The following MYT1L variants were observed in gnomAD, a reference collection of about 807,000 sequenced individuals.
The protein encoded by MYT1L is myelin transcription factor 1-like protein.
Under a neutral mutation model 126.7 loss-of-function variants are expected in MYT1L, and 12 were observed. The observed-to-expected ratio is 0.09, with a 90% CI of 0.06 to 0.15. The LOEUF is 0.15. Ranked by LOEUF, MYT1L falls within the 10% of genes least tolerant of loss-of-function variation. The pLI is 1.00. For synonymous variants in MYT1L, 541 were observed against 604.2 expected, an observed-to-expected ratio of 0.90 and a Z score of 1.53; for missense variants, 979 against 1,585.2, an observed-to-expected ratio of 0.62 and a Z score of 6.49.
At chr2:1,931,084 C>T (rs2149173144) in intron 9 of MYT1L, among the ~76,000 whole-genome samples, 2 of 152,264 alleles carry the variant, frequency 1.3e-5, no homozygotes, top group East Asian at 3.9e-4. Context: ...GGGAAAATGG[C>T]CTGTCATGGC....
At position 1,791,320 on chromosome 2, in the gene MYT1L, G is replaced by A. The variant is rs1228315089; in HGVS notation, c.*547C>T. The A allele has an allele frequency of 8.9e-6, 4 of 447,638 alleles. No homozygotes were observed. Among genetic ancestry groups the A allele is most frequent in the Middle Eastern group, 3.3e-4 (1 of 2,986 alleles). The allele number at this position is 447,638 out of a possible 1,614,324, so 27.7% of individuals were successfully genotyped here. A position where few individuals can be genotyped will look rare whatever the true frequency, so the allele number is the denominator to read the frequency against. ...TTTCCAAGCATTGTTCAAAAATAAAGCATTTTTGCAACGAATTCTTGCTAT... is the reference window on the plus strand; with the variant it reads ...TTTCCAAGCATTGTTCAAAAATAAAACATTTTTGCAACGAATTCTTGCTAT... On this transcript the variant is annotated 3_prime_UTR_variant, in exon 25 of 25. Coordinates refer to ENST00000647738, the MANE Select transcript of MYT1L (RefSeq NM_001303052.2). The surrounding 1 kb of genome is among the most constrained non-coding windows in gnomAD (Gnocchi z 6.0).
At chr2:2,262,809 A>G (rs1242429420) in intron 2 of MYT1L, among the ~76,000 whole-genome samples, 2 of 149,200 alleles carry the variant, frequency 1.3e-5, no homozygotes, top group Admixed American at 6.7e-5. Flanking sequence ...AATTCCAAAT[A>G]AAGACATGTG....
chr2:1,924,156 CA>C (rs2053925515), intron 9 of MYT1L, among the ~76,000 whole-genome samples: 1 of 152,086 alleles, frequency 6.6e-6, no homozygotes, highest in African/African-American at 2.4e-5. Context: ...TGCTTAATCT[CA>C]AAAACGTATT....
At chr2:2,049,040 A>G (rs982779208) in intron 4 of MYT1L, among the ~76,000 whole-genome samples, 2 of 152,230 alleles carry the variant, frequency 1.3e-5, no homozygotes, top group African/African-American at 4.8e-5. Flanking sequence ...TGCAATAAAC[A>G]TTGTTTTAAT....
intron 4 of MYT1L, among the ~76,000 whole-genome samples, chr2:2,037,561 G>T (rs2067004138): frequency 6.6e-6 from 1 of 151,616 alleles, no homozygotes; most frequent in Non-Finnish European, 1.5e-5. Flanking sequence ...TTTAAGACCA[G>T]CCTGGCCAAC....
intron 2 of MYT1L, among the ~76,000 whole-genome samples, chr2:2,267,246 C>A (rs1388619547): frequency 6.6e-6 from 1 of 152,098 alleles, no homozygotes; most frequent in African/African-American, 2.4e-5. Flanking sequence ...ACAGATGGCA[C>A]GTGGGGCAGA....
chr2:2,195,697 A>G (rs1559301741), intron 2 of MYT1L, among the ~76,000 whole-genome samples: 1 of 152,190 alleles, frequency 6.6e-6, no homozygotes. Context: ...CAAGAGATAA[A>G]TAAAACTTAT....
chr2:1,823,222 G>A (rs928289590), intron 21 of MYT1L, among the ~76,000 whole-genome samples: 2 of 152,200 alleles, frequency 1.3e-5, no homozygotes, highest in African/African-American at 2.4e-5. Context: ...CCCAGCAGGG[G>A]CACCCAGCTG....
At chr2:1,819,340 A>G (rs1385532661) in intron 21 of MYT1L, among the ~76,000 whole-genome samples, 2 of 152,236 alleles carry the variant, frequency 1.3e-5, no homozygotes, top group Non-Finnish European at 2.9e-5. Flanking sequence ...CAATGCTAAC[A>G]GCAGTGGTGA....
intron 2 of MYT1L, among the ~76,000 whole-genome samples, chr2:2,282,975 T>C (rs1327214875): frequency 6.6e-6 from 1 of 152,180 alleles, no homozygotes; most frequent in African/African-American, 2.4e-5. Context: ...CTTGGGAGGC[T>C]GAGGCAGGAG....
intron 2 of MYT1L, among the ~76,000 whole-genome samples, chr2:2,234,853 T>C (rs1175718737): frequency 6.6e-6 from 1 of 152,224 alleles, no homozygotes; most frequent in East Asian, 1.9e-4. Context: ...TGTGTTCATA[T>C]GTTGAAATAG....
intron 9 of MYT1L, among the ~76,000 whole-genome samples, chr2:1,934,610 C>T (rs1227138314): frequency 6.6e-6 from 1 of 152,020 alleles, no homozygotes; most frequent in Non-Finnish European, 1.5e-5. Context: ...GAGTCAACAG[C>T]TACTCAGATA....
At chr2:2,236,173 C>T (rs191957438) in intron 2 of MYT1L, among the ~76,000 whole-genome samples, 3 of 146,766 alleles carry the variant, frequency 2.0e-5, no homozygotes, top group Admixed American at 2.0e-4. Context: ...CCAGCACATC[C>T]CAACCCAACC....
chr2:2,163,776 C>G (rs2088489056), intron 3 of MYT1L, among the ~76,000 whole-genome samples: 1 of 150,784 alleles, frequency 6.6e-6, no homozygotes, highest in Admixed American at 6.6e-5. Context: ...ACAACACAAA[C>G]AAAAAGACTT....
At chr2:2,083,171 T>C (rs900296261) in intron 3 of MYT1L, among the ~76,000 whole-genome samples, 1 of 152,218 alleles carries the variant, frequency 6.6e-6, no homozygotes, top group Non-Finnish European at 1.5e-5. Flanking sequence ...CCAGTTGGAA[T>C]ACTTTTGCTT....
chr2:2,073,970 C>T (rs1376744615), intron 3 of MYT1L, among the ~76,000 whole-genome samples: 4 of 152,180 alleles, frequency 2.6e-5, no homozygotes, highest in Non-Finnish European at 4.4e-5. Flanking sequence ...TTGCCCGTCT[C>T]ACCCACAAGA....
intron 19 of MYT1L, among the ~76,000 whole-genome samples, chr2:1,843,090 C>T (rs1003096248): frequency 5.9e-5 from 9 of 152,228 alleles, no homozygotes; most frequent in Non-Finnish European, 1.0e-4. Context: ...CCGCCATCCT[C>T]GCTGGGCTCT....
At chr2:2,036,382 C>A (rs1216129456) in intron 4 of MYT1L, among the ~76,000 whole-genome samples, 1 of 73,176 alleles carries the variant, frequency 1.4e-5, no homozygotes, top group African/African-American at 5.8e-5. Flanking sequence ...CAGAAGAGAG[C>A]TCCTAACTTC....
intron 2 of MYT1L, among the ~76,000 whole-genome samples, chr2:2,186,284 C>T (rs992516314): frequency 2.7e-5 from 4 of 145,540 alleles, no homozygotes; most frequent in African/African-American, 2.6e-5. Context: ...GCGTTCCTTT[C>T]GTGAGGGGGA....
Sources: gnomAD v4.1 joint callset for allele counts (sites outside exome capture counted in the v4.1 genomes callset) on GRCh38, gnomAD v4.1.1 for gene constraint, Gnocchi (gnomAD v3.1) non-coding constraint, MANE v1.5 for transcripts, NCBI Gene and HGNC (gene_info 2026-07-23, HGNC 2026-07-21) for gene names.